The following LCMT1 variants were observed in gnomAD, a reference collection of about 807,000 sequenced individuals.
LCMT1 encodes [Phosphatase 2A protein]-leucine-carboxy methyltransferase 1.
LCMT1 carries 32 observed loss-of-function variants against 47.7 expected under a neutral mutation model. The observed-to-expected ratio is 0.67, with a 90% CI of 0.51 to 0.90. The LOEUF (loss-of-function observed/expected upper bound fraction) is 0.90. Ranked by LOEUF, LCMT1 falls within the 40% of genes least tolerant of loss-of-function variation. The probability of loss-of-function intolerance (pLI) is 0.00; values close to 1 mark genes in which losing one functional copy is unlikely to be tolerated. For missense variants in LCMT1, 375 were observed against 415.2 expected, an observed-to-expected ratio of 0.90 and a Z score of 0.84; for synonymous variants, 152 against 149.7, an observed-to-expected ratio of 1.02 and a Z score of -0.11.
At chr16:25,158,423 C>CT (rs940719676) in intron 5 of LCMT1, among the ~76,000 whole-genome samples, 2 of 152,276 alleles carry the variant, frequency 1.3e-5, no homozygotes, top group African/African-American at 4.8e-5. Context: ...GCATAAGCCA[C>CT]TGCGCCCGGC....
At chr16:25,125,912 T>A (rs1960161447) in intron 1 of LCMT1, 1 of 967,320 alleles carries the variant, frequency 1.0e-6, no homozygotes, top group Non-Finnish European at 1.3e-6. Context: ...GTTCACTTAC[T>A]TTCCAACTGA....
chr16:25,162,360 G>A (rs982784161), intron 6 of LCMT1, among the ~76,000 whole-genome samples: 2 of 151,914 alleles, frequency 1.3e-5, no homozygotes, highest in African/African-American at 2.4e-5. Flanking sequence ...AGGCCGAGGT[G>A]GGCAGATCAC....
chr16:25,178,165 G>A lies in LCMT1; in HGVS notation c.*142G>A, dbSNP rs781552498. ...AGAAGCCTTGGTCACTACAGTGGTC[G>A]CACATGTTCCTCTTCCTGTTCCTGT... is the stretch of plus-strand genomic sequence containing the variant. On this transcript the variant is annotated 3_prime_UTR_variant, in exon 11 of 11. Coordinates refer to ENST00000399069, the MANE Select transcript of LCMT1 (RefSeq NM_016309.3). 2.8e-5 allele frequency: 19 copies of A among 687,240 alleles called. No homozygotes were observed. The highest frequency in any genetic ancestry group is 9.2e-5 in the African/African-American group (5 of 54,428). 42.6% of individuals were successfully genotyped at this position (687,240 alleles called of 1,614,324 possible). A position where few individuals can be genotyped will look rare whatever the true frequency, so the allele number is the denominator to read the frequency against.
intron 1 of LCMT1, among the ~76,000 whole-genome samples, chr16:25,119,157 TAG>T (rs1360680690): frequency 5.3e-5 from 8 of 152,052 alleles, no homozygotes; most frequent in African/African-American, 1.9e-4. Flanking sequence ...GTGGAGTTGA[TAG>T]AATGTTCTGG....
chr16:25,157,095 C>T (rs1047823176), intron 5 of LCMT1, among the ~76,000 whole-genome samples: 9 of 152,218 alleles, frequency 5.9e-5, no homozygotes, highest in Non-Finnish European at 1.0e-4. Flanking sequence ...ACACATCTCT[C>T]GAAATGCACC....
chr16:25,137,041 C>T (rs1960524854), intron 3 of LCMT1, among the ~76,000 whole-genome samples: 1 of 152,120 alleles, frequency 6.6e-6, no homozygotes, highest in African/African-American at 2.4e-5. Flanking sequence ...TTAGGTGATC[C>T]TTAACTTCCC....
intron 1 of LCMT1, among the ~76,000 whole-genome samples, chr16:25,117,143 A>G (rs910377420): frequency 6.6e-6 from 1 of 152,102 alleles, no homozygotes; most frequent in Admixed American, 6.6e-5. Flanking sequence ...TTTTAGAAAA[A>G]TTCCTAGCAG....
intron 10 of LCMT1, among the ~76,000 whole-genome samples, chr16:25,176,361 CA>C (rs1265237240): frequency 2.6e-5 from 4 of 152,018 alleles, no homozygotes; most frequent in Non-Finnish European, 5.9e-5. Flanking sequence ...CACAAGCGGG[CA>C]GCTGATCCGA....
rs763150232 is a variant in LCMT1 at position 25,161,132 on chromosome 16, C to T, written c.497C>T (p.Ala166Val). ...CACATACTGGATTCAAAGAGATATGCCGTTATTGGAGCAGATCTCCGAGAC... is the reference window on the plus strand; with the variant it reads ...CACATACTGGATTCAAAGAGATATGTCGTTATTGGAGCAGATCTCCGAGAC... ...DGHILDSKRY[A>V]VIGADLRDLS... Residue 166 changes from alanine (A) to valine (V), a missense_variant, in exon 6 of 11, where the codon GCC (alanine) becomes GTC (valine). Physicochemically the swap from Ala to Val is moderately conservative, Grantham distance 64. Coordinates refer to ENST00000399069, the MANE Select transcript of LCMT1 (RefSeq NM_016309.3). 6.2e-6 allele frequency: 10 copies of T among 1,609,608 alleles called. No individual in the cohort carries two copies.
At chr16:25,132,962 A>G (rs1960398294) in intron 3 of LCMT1, among the ~76,000 whole-genome samples, 1 of 151,762 alleles carries the variant, frequency 6.6e-6, no homozygotes, top group Non-Finnish European at 1.5e-5. Flanking sequence ...GGCTTAAGCA[A>G]TTCTCCCACA....
chr16:25,150,905 C>CTGA (rs1961058776), intron 4 of LCMT1, among the ~76,000 whole-genome samples: 1 of 152,044 alleles, frequency 6.6e-6, no homozygotes, highest in African/African-American at 2.4e-5. Context: ...AATGGCAATT[C>CTGA]TGATGCTCTG....
chr16:25,170,375 G>A (rs1961719463), intron 8 of LCMT1, among the ~76,000 whole-genome samples: 1 of 152,074 alleles, frequency 6.6e-6, no homozygotes, highest in African/African-American at 2.4e-5. Flanking sequence ...AACAATGCTT[G>A]TTCAATATGG....
chr16:25,134,382 C>T (rs1430423286), intron 3 of LCMT1, among the ~76,000 whole-genome samples: 7 of 152,198 alleles, frequency 4.6e-5, no homozygotes, highest in Admixed American at 1.3e-4. Flanking sequence ...TGAATTAACA[C>T]GAGAACTCTG....
Position 25,121,312 on chromosome 16 carries a change from A to G in LCMT1, c.114-7163A>G, listed in dbSNP as rs112274157. On this transcript the variant is annotated intron_variant, in intron 1 of 10. Coordinates refer to ENST00000399069, the MANE Select transcript of LCMT1 (RefSeq NM_016309.3). ...GTAATCCCAGCTGCTTGGGAGGCTGAGTCAGGAGAATTGCTTGAACCTGGG... is the reference window on the plus strand; with the variant it reads ...GTAATCCCAGCTGCTTGGGAGGCTGGGTCAGGAGAATTGCTTGAACCTGGG... Among the ~76,000 whole-genome samples the G allele has an allele frequency of 8.7e-3, 1,329 of 152,102 alleles. 25 individuals carry two copies. The highest frequency in any genetic ancestry group is 0.031 in the African/African-American group (1,274 of 41,478).
Position 25,164,626 on chromosome 16 carries a change from G to A in LCMT1, c.598G>A (p.Val200Met), listed in dbSNP as rs1961531705. 2 of 1,613,792 alleles carry A rather than the reference G, an allele frequency of 1.2e-6. No homozygotes were observed. The highest frequency in any genetic ancestry group is 1.7e-6 in the Non-Finnish European group (2 of 1,179,886). The change falls in exon 7 of 11, where the codon GTG (valine) becomes ATG (methionine). Residue 200 changes from valine to methionine, a missense_variant. By Grantham distance (21) the Val-to-Met change is conservative (BLOSUM62 1). Transcript: ENST00000399069. ...QLPTLLIAEC[V>M]LVYMTPEQSA... ...GCCAACACTCCTGATAGCTGAATGT[G>A]TGCTGGTTTACATGACTCCAGAGCA...
At chr16:25,126,314 C>T (rs866587981) in intron 1 of LCMT1, among the ~76,000 whole-genome samples, 1 of 152,282 alleles carries the variant, frequency 6.6e-6, no homozygotes, top group African/African-American at 2.4e-5. Context: ...CTCCCTCTGG[C>T]CTCCTCCCCA....
chr16:25,172,256 G>T (rs886825151), intron 9 of LCMT1, among the ~76,000 whole-genome samples: 1 of 151,334 alleles, frequency 6.6e-6, no homozygotes, highest in East Asian at 1.9e-4. Context: ...GCAGTGAGCC[G>T]AGGTAGCACC....
intron 1 of LCMT1, among the ~76,000 whole-genome samples, chr16:25,123,760 A>G (rs1960073882): frequency 6.6e-6 from 1 of 150,662 alleles, no homozygotes; most frequent in Non-Finnish European, 1.5e-5. Flanking sequence ...GGCATGAGCC[A>G]CCATATGCGG....
rs902541812 is a variant in LCMT1 at position 25,118,879 on chromosome 16, C to T, written c.113+6883C>T. Among the ~76,000 whole-genome samples, 7 of 152,028 alleles carry T rather than the reference C, an allele frequency of 4.6e-5. No individual in the cohort carries two copies. In the East Asian group the frequency reaches 5.8e-4, roughly 13 times the overall value. On this transcript the variant is annotated intron_variant, in intron 1 of 10. Transcript: ENST00000399069. ...AGGCGGGGGCAGATGCTGCAGGTCA[C>T]TCGAGGGAGGCTCTTGTAAGGACCC...
Sources: allele counts gnomAD v4.1 joint callset (sites outside exome capture counted in the v4.1 genomes callset), GRCh38; gene constraint gnomAD v4.1.1; transcripts MANE v1.5; gene names NCBI Gene and HGNC (gene_info 2026-07-23, HGNC 2026-07-21).